Variants in MICOS13 observed in about 807,000 individuals in gnomAD.
The protein encoded by MICOS13 is MICOS complex subunit MIC13.
A neutral mutation model predicts 16.1 loss-of-function variants in MICOS13; 15 were observed. That is an observed-to-expected ratio of 0.93 (90% confidence interval 0.62 to 1.44). The LOEUF is 1.44. MICOS13 is among the 40% of genes most tolerant of loss of function. MICOS13 has a pLI of 0.00. For missense variants in MICOS13, 164 were observed against 155.0 expected, an observed-to-expected ratio of 1.06 and a Z score of -0.31; for synonymous variants, 61 against 62.6, an observed-to-expected ratio of 0.97 and a Z score of 0.12.
chr19:5,679,988 A>G (rs1599408412), intron 1 of MICOS13: 3 of 1,475,382 alleles, frequency 2.0e-6, no homozygotes, highest in East Asian at 2.5e-5. Context: ...ACTGAAACCC[A>G]GAGGGGGAGA....
rs1175154656 is a variant in MICOS13, at chr19:5,678,679, T to C, written c.260-31A>G. On this transcript the variant is annotated intron_variant, in intron 3 of 3. Coordinates refer to ENST00000309324, the MANE Select transcript of MICOS13 (RefSeq NM_205767.3). ...GGAAAGGGACGGCCACTGGTGATAC[T>C]CCCCTCCCAGCCTCACCCAGCCTCC... is the stretch of plus-strand genomic sequence containing the variant. 5 of 1,230,948 alleles carry C rather than the reference T, an allele frequency of 4.1e-6. No individual in the cohort carries two copies. The Admixed American group carries it at 1.4e-4, about 34-fold the overall frequency. 76.3% of individuals were successfully genotyped at this position (1,230,948 alleles called of 1,614,324 possible).
In MICOS13 at chr19:5,678,439, A is replaced by C; in HGVS notation, c.*112T>G. ...TCAGGGAACACTTCTGAAGTCCTTT[A>C]TTGGGCCGGCAAGGCCGGGAGCTGC... is the stretch of plus-strand genomic sequence containing the variant. On this transcript the variant is annotated 3_prime_UTR_variant, in exon 4 of 4. Transcript: ENST00000309324. 2.8e-6 allele frequency: 3 copies of C among 1,058,616 alleles called. No homozygotes were observed. Among genetic ancestry groups the C allele is most frequent in the Non-Finnish European group, 4.1e-6 (3 of 725,826 alleles). 65.6% of individuals were successfully genotyped at this position (1,058,616 alleles called of 1,614,324 possible).
intron 1 of MICOS13, 101 bp downstream of exon 1, chr19:5,680,357 T>C: frequency 6.2e-7 from 1 of 1,604,284 alleles, no homozygotes; most frequent in Non-Finnish European, 8.5e-7. Context: ...GAAGTGACTC[T>C]AAGGGAAGCG....
At chr19:5,679,277 G>C (rs375847996) in intron 3 of MICOS13, 68 bp downstream of exon 3, 10 of 1,474,750 alleles carry the variant, frequency 6.8e-6, no homozygotes, top group Non-Finnish European at 9.4e-6. Context: ...AGAAAGGAAT[G>C]GCCAGGAAGT....
At position 5,679,382 on chromosome 19, in the gene MICOS13, T is replaced by C. The variant is rs1409513190; in HGVS notation, c.222A>G (p.Pro74=). Residue 74 remains proline, a synonymous_variant, in exon 3 of 4, where the codon CCA becomes CCG. Transcript: ENST00000309324. The stretch of plus-strand genomic sequence containing the variant: ...AGTCACGGATGGGAAAGTAAATCTT[T>C]GGAGGGGCTGGGAGCTGGGAAAAAG... ...GLQIPQLPAP[P]KIYFPIRDSW... is the part of the protein sequence containing the mutation. 1.2e-6 allele frequency: 2 copies of C among 1,613,430 alleles called. No individual in the cohort carries two copies. Among genetic ancestry groups the C allele is most frequent in the Non-Finnish European group, 1.7e-6 (2 of 1,179,840 alleles).
intron 1 of MICOS13, 132 bp from the exon 2 acceptor site, chr19:5,679,895 C>A: frequency 1.5e-6 from 2 of 1,358,402 alleles, no homozygotes; most frequent in Non-Finnish European, 9.9e-7. Flanking sequence ...TAGTGCAGCA[C>A]CGTCGACCCA....
rs1289563312 is a variant in MICOS13, at chr19:5,679,336, G to GT, written c.259+8dup. The GT allele has an allele frequency of 7.4e-6, 12 of 1,612,262 alleles. No homozygotes were observed. The highest frequency in any genetic ancestry group is 1.0e-5 in the Non-Finnish European group (12 of 1,179,018). ...GTCTCCCTCCAAGCAAAGAAACTGGGTGCCTTACCTGCATTCCAGGAGTCA... is the reference window on the plus strand; with the variant it reads ...GTCTCCCTCCAAGCAAAGAAACTGGGTTGCCTTACCTGCATTCCAGGAGTCA... On this transcript the variant is annotated intron_variant, in intron 3 of 3. Transcript: ENST00000309324.
In MICOS13 at chr19:5,679,580, T is replaced by C. The variant is rs1201405619; in HGVS notation, c.207+6A>G. On this transcript the variant is annotated splice_donor_region_variant and intron_variant, in intron 2 of 3. Transcript: ENST00000309324. The stretch of plus-strand genomic sequence containing the variant: ...AAACCCTGGCCTCGTTCCCGGCCCG[T>C]AGTACCTGGGGTATCTGCAGGCCTG... 6 of 1,608,550 alleles carry C rather than the reference T, an allele frequency of 3.7e-6. No individual in the cohort carries two copies. The African/African-American group carries it at 4.0e-5, about 11-fold the overall frequency.
chr19:5,678,758 C>A, intron 3 of MICOS13, 110 bp from the exon 4 acceptor site: 2 of 264,242 alleles, frequency 7.6e-6, no homozygotes, highest in Non-Finnish European at 1.5e-5. Context: ...GGGTGGGGGG[C>A]GGGGATGGAG....
intron 1 of MICOS13, 62 bp downstream of exon 1, chr19:5,680,396 A>G: frequency 6.2e-7 from 1 of 1,609,340 alleles, no homozygotes; most frequent in Non-Finnish European, 8.5e-7. Flanking sequence ...GACTGGAGAC[A>G]GGGATGCCCA....
At chr19:5,678,987 C>T in intron 3 of MICOS13, 1 of 372,550 alleles carries the variant, frequency 2.7e-6, no homozygotes. Context: ...CGGCTCACTG[C>T]AACCTCTGCC....
At chr19:5,679,843 G>C in intron 1 of MICOS13, 80 bp from the exon 2 acceptor site, 1 of 1,492,848 alleles carries the variant, frequency 6.7e-7, no homozygotes, top group Non-Finnish European at 8.9e-7. Context: ...CGGGGAGAGT[G>C]AGACCCTCCT....
intron 3 of MICOS13, 99 bp from the exon 4 acceptor site, chr19:5,678,747 T>TGGGG: frequency 5.0e-6 from 1 of 198,470 alleles, no homozygotes; most frequent in Non-Finnish European, 1.0e-5. Context: ...CGGTGGGGGG[T>TGGGG]GGGTGGGGGG....
Position 5,678,580 on chromosome 19 carries a change from A to G in MICOS13, c.328T>C (p.Trp110Arg). 1 of 1,549,584 alleles carries G rather than the reference A, an allele frequency of 6.5e-7. No homozygotes were observed. The highest frequency in any genetic ancestry group is 8.7e-7 in the Non-Finnish European group (1 of 1,146,644). ...TTGGTGCGCGCCTTCACATACTCCC[A>G]GCCCTCCTTGGAGTACTCGCGGGCC... ...SKAREYSKEG[W>R]EYVKARTK Residue 110 changes from tryptophan (W) to arginine (R), a missense_variant, in exon 4 of 4, where the codon TGG (tryptophan) becomes CGG (arginine). Transcript: ENST00000309324.
chr19:5,678,929 G>C lies in MICOS13; in HGVS notation c.260-281C>G, dbSNP rs557387003. 3,296 of 403,722 alleles carry C rather than the reference G, an allele frequency of 8.2e-3. 25 individuals are homozygous for C. Among genetic ancestry groups the C allele is most frequent in the Non-Finnish European group, 0.012 (2,647 of 223,588 alleles). The allele number at this position is 403,722 out of a possible 1,614,324, so 25.0% of individuals were successfully genotyped here. Reference sequence around the variant, plus strand: ...TAATTTTTGTATTTTATTTTTTTGAGATGGAGTCTCGCCCTGTCGCCCAGG... The same window carrying C: ...TAATTTTTGTATTTTATTTTTTTGACATGGAGTCTCGCCCTGTCGCCCAGG... On this transcript the variant is annotated intron_variant, in intron 3 of 3. Transcript: ENST00000309324.
Position 5,679,645 on chromosome 19 carries a change from G to T in MICOS13, c.148C>A (p.Pro50Thr), listed in dbSNP as rs141436618. 6.2e-7 allele frequency: 1 copy of T among 1,611,204 alleles called. No homozygotes were observed. The highest frequency in any genetic ancestry group is 8.5e-7 in the Non-Finnish European group (1 of 1,179,346). ...TACTGGCTGAACTGGTACATGGCGGGGGGGACCACCTCCCCAGCCTTCTGT... is the reference window on the plus strand; with the variant it reads ...TACTGGCTGAACTGGTACATGGCGGTGGGGACCACCTCCCCAGCCTTCTGT... Reference protein sequence around the residue: ...ALQKAGEVVPPAMYQFSQYVC... With the variant: ...ALQKAGEVVPTAMYQFSQYVC... The change falls in exon 2 of 4, where the codon CCC becomes ACC. Residue 50 changes from proline (P) to threonine (T), a missense_variant. Coordinates refer to ENST00000309324, the MANE Select transcript of MICOS13 (RefSeq NM_205767.3).
At chr19:5,680,283 C>G in intron 1 of MICOS13, 175 bp downstream of exon 1, 1 of 1,602,436 alleles carries the variant, frequency 6.2e-7, no homozygotes. Flanking sequence ...TTGGCGACCT[C>G]GGGAAGCCCC....
At position 5,678,439 on chromosome 19, in the gene MICOS13, A is replaced by T; in HGVS notation, c.*112T>A. ...TCAGGGAACACTTCTGAAGTCCTTT[A>T]TTGGGCCGGCAAGGCCGGGAGCTGC... is the stretch of plus-strand genomic sequence containing the variant. On this transcript the variant is annotated 3_prime_UTR_variant, in exon 4 of 4. Coordinates refer to ENST00000309324, the MANE Select transcript of MICOS13 (RefSeq NM_205767.3). 1 of 1,058,616 alleles carries T rather than the reference A, an allele frequency of 9.4e-7. No individual in the cohort carries two copies. The highest frequency in any genetic ancestry group is 1.4e-6 in the Non-Finnish European group (1 of 725,826). The allele number at this position is 1,058,616 out of a possible 1,614,324, so 65.6% of individuals were successfully genotyped here. A position where few individuals can be genotyped will look rare whatever the true frequency, so the allele number is the denominator to read the frequency against.
In MICOS13 at chr19:5,678,601, G is replaced by A. The variant is rs200518759; in HGVS notation, c.307C>T (p.Arg103Cys). 9 of 1,547,538 alleles carry A rather than the reference G, an allele frequency of 5.8e-6. No homozygotes were observed. Among genetic ancestry groups the A allele is most frequent in the South Asian group, 3.6e-5 (3 of 83,872 alleles). Residue 103 changes from arginine (R) to cysteine (C), a missense_variant, in exon 4 of 4, where the codon CGC becomes TGC. Coordinates refer to ENST00000309324, the MANE Select transcript of MICOS13 (RefSeq NM_205767.3). ...TCCCAGCCCTCCTTGGAGTACTCGC[G>A]GGCCTTGGAGGGGGCCACCGACAGA... The part of the protein sequence containing the change: ...SALSVAPSKA[R>C]EYSKEGWEYV...
Sources: allele counts gnomAD v4.1 joint callset, GRCh38; gene constraint gnomAD v4.1.1; transcripts MANE v1.5; gene names NCBI Gene and HGNC (gene_info 2026-07-23, HGNC 2026-07-21).